The following LILRB2 variants were observed in gnomAD, a reference collection of about 807,000 sequenced individuals.
LILRB2 encodes leukocyte immunoglobulin like receptor B2, also known as leukocyte immunoglobulin-like receptor subfamily B member 2.
Under a neutral mutation model 72.7 loss-of-function variants are expected in LILRB2, and 47 were observed. The ratio of observed to expected loss-of-function variants is 0.65; its 90% CI spans 0.51 to 0.82. The LOEUF (loss-of-function observed/expected upper bound fraction) is 0.82. LILRB2 is among the 40% of genes least tolerant of loss of function. The pLI is 0.00. For missense variants in LILRB2, 767 were observed against 764.8 expected (o/e 1.00, Z -0.03); for synonymous variants, 279 against 313.7 (o/e 0.89, Z 1.17).
At chr19:54,280,168 A>C in intron 3 of LILRB2, 93 bp from the exon 4 acceptor site, 1 of 1,610,488 alleles carries the variant, frequency 6.2e-7, no homozygotes, top group Non-Finnish European at 8.5e-7. Context: ...CCCATCAGTC[A>C]GTCCAGAACT....
Position 54,278,259 on chromosome 19 carries a change from C to T in LILRB2, c.1258+1G>A, listed in dbSNP as rs2080340619. 2 of 1,614,018 alleles carry T rather than the reference C, an allele frequency of 1.2e-6. No homozygotes were observed. The highest frequency in any genetic ancestry group is 1.7e-5 in the Admixed American group (1 of 60,014). On this transcript the variant is annotated splice_donor_variant, in intron 7 of 13. Coordinates refer to ENST00000314446, the MANE Select transcript of LILRB2 (RefSeq NM_001080978.4). LOFTEE classifies it high-confidence loss of function. ...AGAGAGGACAGGGTCAAGGCCCCCA[C>T]CTGAGACCACGAGCTCCAGGGGCTC...
intron 9 of LILRB2, chr19:54,277,324 T>C: frequency 7.8e-7 from 1 of 1,275,662 alleles, no homozygotes; most frequent in Non-Finnish European, 1.1e-6. Flanking sequence ...AGTCTTGGAG[T>C]CTTCCCTGAG....
At chr19:54,276,657 G>A in intron 10 of LILRB2, 150 bp downstream of exon 10, 1 of 1,464,024 alleles carries the variant, frequency 6.8e-7, no homozygotes. Flanking sequence ...TTTGTAGATG[G>A]GACTGACGTT....
intron 6 of LILRB2, 102 bp from the exon 7 acceptor site, chr19:54,278,664 T>C (rs1025457662): frequency 2.0e-5 from 29 of 1,435,262 alleles, no homozygotes; most frequent in East Asian, 1.7e-4. Context: ...CTCTGAGTCT[T>C]CCCCTCCCCA....
intron 10 of LILRB2, 106 bp from the exon 11 acceptor site, chr19:54,276,562 A>G (rs2080237799): frequency 3.5e-6 from 5 of 1,409,864 alleles, no homozygotes; most frequent in East Asian, 4.7e-5. Context: ...TCCTGCCTCC[A>G]TGTTCCAAAT....
chr19:54,276,051 A>G, intron 12 of LILRB2, 48 bp from the exon 13 acceptor site: 3 of 1,606,128 alleles, frequency 1.9e-6, no homozygotes, highest in South Asian at 1.1e-5. Flanking sequence ...GTTCCCTGGG[A>G]CCTCTGAGTC....
rs747009937 is a variant in LILRB2, at chr19:54,280,444, C to G, written c.34+19G>C. On this transcript the variant is annotated intron_variant, in intron 2 of 13. Transcript: ENST00000314446. ...GGTCCCTCCTAGGTTAGAAGCTCCC[C>G]TCTCTCTTCAAATCTCACCGAGACA... 3 of 1,612,766 alleles carry G rather than the reference C, an allele frequency of 1.9e-6. No individual in the cohort carries two copies. The highest frequency in any genetic ancestry group is 1.7e-4 in the Middle Eastern group (1 of 6,056).
Position 54,276,395 on chromosome 19 carries a change from T to A in LILRB2, c.1542A>T (p.Arg514Ser), listed in dbSNP as rs1297165170. Residue 514 changes from arginine to serine, a missense_variant, in exon 11 of 14, where the codon AGA (arginine) becomes AGT (serine). This residue lies in a region of LILRB2 where 162 missense variants were observed against 176.7 expected (regional missense o/e 0.92). Coordinates refer to ENST00000314446, the MANE Select transcript of LILRB2 (RefSeq NM_001080978.4). ...GGCAGAATTACCTCCACTGCAGGCC[T>A]CTGTCTGTGGGCTCTGGCCCCACAG... Reference protein sequence around the residue: ...AGAVGPEPTDRGLQWRSSPAA... With the variant: ...AGAVGPEPTDSGLQWRSSPAA... The A allele has an allele frequency of 7.5e-6, 12 of 1,603,046 alleles. No individual in the cohort carries two copies. Among genetic ancestry groups the A allele is most frequent in the Non-Finnish European group, 8.5e-6 (10 of 1,171,256 alleles).
rs1363001822 is a variant in LILRB2, at chr19:54,278,367, C to T, written c.1151G>A (p.Ser384Asn). ...YPKYQAEFPMSPVTSAHAGTY... is the reference protein window; with the variant it reads ...YPKYQAEFPMNPVTSAHAGTY... ...CCCCGCGTGGGCTGAGGTCACAGGA[C>T]TCATGGGGAATTCAGCCTGGTACTT... Residue 384 changes from serine (S) to asparagine (N), a missense_variant, in exon 7 of 14, where the codon AGT (serine) becomes AAT (asparagine). By Grantham distance (46) the Ser-to-Asn change is conservative. Transcript: ENST00000314446. 2 of 1,614,070 alleles carry T rather than the reference C, an allele frequency of 1.2e-6. No individual in the cohort carries two copies. Among genetic ancestry groups the T allele is most frequent in the East Asian group, 4.5e-5 (2 of 44,890 alleles).
At chr19:54,279,685 C>G (rs775015469) in intron 4 of LILRB2, 38 bp from the exon 5 acceptor site, 4 of 1,596,478 alleles carry the variant, frequency 2.5e-6, no homozygotes, top group South Asian at 2.2e-5. Flanking sequence ...ATGGGGCTCC[C>G]ACCTCCCACA....
rs2080159452 is a variant in LILRB2, at chr19:54,275,043, G to A, written c.1648-214C>T. On this transcript the variant is annotated intron_variant, in intron 13 of 13. Transcript: ENST00000314446. The stretch of plus-strand genomic sequence containing the variant: ...TCACCGGGGCATATGTCACTGCCTG[G>A]GGGTCTTCATCATGTGGGCTCTGCT... The A allele has an allele frequency of 1.7e-5, 28 of 1,608,474 alleles. No individual in the cohort carries two copies. The South Asian group carries it at 3.1e-4, about 18-fold the overall frequency.
intron 13 of LILRB2, chr19:54,275,321 G>A (rs1050118757): frequency 1.9e-5 from 11 of 572,874 alleles, no homozygotes; most frequent in African/African-American, 1.5e-4. Context: ...GCCTTTGCAC[G>A]GCTGTTTCCT....
In LILRB2 at chr19:54,274,680, G is replaced by A. The variant is rs113019474; in HGVS notation, c.*3C>T. 4.6e-5 allele frequency: 75 copies of A among 1,613,898 alleles called. 1 individual carries two copies. The highest frequency in any genetic ancestry group is 3.6e-4 in the South Asian group (33 of 90,950). Reference sequence around the variant, plus strand: ...TGAGTGTGGAGTCTGCGTACCCTCCGGGCTAGTGGATGGCCAGGGTGGCGT... The same window carrying A: ...TGAGTGTGGAGTCTGCGTACCCTCCAGGCTAGTGGATGGCCAGGGTGGCGT... On this transcript the variant is annotated 3_prime_UTR_variant, in exon 14 of 14. Coordinates refer to ENST00000314446, the MANE Select transcript of LILRB2 (RefSeq NM_001080978.4).
rs1281849477 is a variant in LILRB2, at chr19:54,277,914, TG to T, written c.1283del (p.Pro428HisfsTer34). 2.5e-5 allele frequency: 38 copies of T among 1,541,322 alleles called. No individual in the cohort carries two copies. The highest frequency in any genetic ancestry group is 3.1e-5 in the Non-Finnish European group (35 of 1,142,206). Reference sequence around the variant, plus strand: ...CAGGTGTGGAGATGGGACCGGTGGGTGGGGGGCTGGAACCCATGGAGGGTCC... The same window carrying T: ...CAGGTGTGGAGATGGGACCGGTGGGTGGGGGCTGGAACCCATGGAGGGTCC... ...VSGPSMGSSPPPTGPISTPGP... is the reference protein window; with the variant it reads ...VSGPSMGSSPXPTGPISTPGP... On this transcript the variant is annotated frameshift_variant, in exon 8 of 14. Transcript: ENST00000314446. LOFTEE classifies it high-confidence loss of function.
Position 54,277,928 on chromosome 19 carries a change from C to T in LILRB2, c.1270G>A (p.Gly424Ser), listed in dbSNP as rs865925488. Residue 424 changes from glycine to serine, a missense_variant, in exon 8 of 14, where the codon GGT (glycine) becomes AGT (serine). Around this residue, in one of 3 missense-constraint regions of LILRB2, gnomAD observed 599 missense variants for 568.2 expected, o/e 1.05. Transcript: ENST00000314446. Reference protein sequence around the residue: ...LELVVSGPSMGSSPPPTGPIS... With the variant: ...LELVVSGPSMSSSPPPTGPIS... Reference sequence around the variant, plus strand: ...GGACCGGTGGGTGGGGGGCTGGAACCCATGGAGGGTCCTGGGTGAAAGAAT... The same window carrying T: ...GGACCGGTGGGTGGGGGGCTGGAACTCATGGAGGGTCCTGGGTGAAAGAAT... 30 of 1,532,742 alleles carry T rather than the reference C, an allele frequency of 2.0e-5. No individual in the cohort carries two copies. Among genetic ancestry groups the T allele is most frequent in the Non-Finnish European group, 2.4e-5 (27 of 1,138,288 alleles). The allele number at this position is 1,532,742 out of a possible 1,614,324, so 94.9% of individuals were successfully genotyped here.
chr19:54,275,926 G>A (rs1202563712), intron 13 of LILRB2, 25 bp downstream of exon 13: 11 of 1,613,754 alleles, frequency 6.8e-6, no homozygotes, highest in African/African-American at 1.3e-5. Flanking sequence ...GGCCTTTGGT[G>A]CCTGGGACAG....
chr19:54,280,700 A>C, intron 1 of LILRB2, 156 bp from the exon 2 acceptor site: 1 of 529,928 alleles, frequency 1.9e-6, no homozygotes. Flanking sequence ...ATTCTTTTAG[A>C]GCTGAGGTGG....
At chr19:54,280,400 G>C (rs763330224) in intron 2 of LILRB2, 63 bp downstream of exon 2, 6 of 1,614,072 alleles carry the variant, frequency 3.7e-6, no homozygotes, top group Non-Finnish European at 5.1e-6. Flanking sequence ...TTAGGGACCA[G>C]AGTTTGGCTG....
chr19:54,280,080 A>G lies in LILRB2; in HGVS notation c.71-5T>C, dbSNP rs2080479312. ...GGGTGGGCTTGGGGATGGTCCCTGG[A>G]AGGAAATCAAAGGTCAGATTCGAAG... On this transcript the variant is annotated splice_region_variant and splice_polypyrimidine_tract_variant and intron_variant, in intron 3 of 13. Transcript: ENST00000314446. The G allele has an allele frequency of 6.2e-7, 1 of 1,613,208 alleles. No homozygotes were observed. The highest frequency in any genetic ancestry group is 1.7e-5 in the Admixed American group (1 of 59,896).
Sources: gnomAD v4.1 joint callset for allele counts on GRCh38, gnomAD v4.1.1 for gene constraint, gnomAD v4.1.1 regional missense constraint, MANE v1.5 for transcripts, NCBI Gene and HGNC (gene_info 2026-07-23, HGNC 2026-07-21) for gene names.